The following CORIN variants were observed in gnomAD, a reference collection of about 807,000 sequenced individuals.
CORIN encodes atrial natriuretic peptide-converting enzyme.
Under a neutral mutation model 125.3 loss-of-function variants are expected in CORIN, and 117 were observed. That is an observed-to-expected ratio of 0.93 (90% CI 0.80 to 1.09). CORIN has a LOEUF of 1.09. Ranked by LOEUF, CORIN falls within the 50% of genes least tolerant of loss-of-function variation. CORIN has a pLI of 0.00. For missense variants in CORIN, 1,253 were observed against 1,306.7 expected, an observed-to-expected ratio of 0.96 and a Z score of 0.63; for synonymous variants, 450 against 466.4, an observed-to-expected ratio of 0.96 and a Z score of 0.45.
Position 47,653,597 on chromosome 4 carries a change from T to A in CORIN, c.1799A>T (p.Asp600Val), listed in dbSNP as rs1352209380. The A allele has an allele frequency of 6.2e-7, 1 of 1,614,022 alleles. No homozygotes were observed. The highest frequency in any genetic ancestry group is 1.3e-5 in the African/African-American group (1 of 74,944). ...GQCVLASRRC[D>V]GQADCDDDSD... ...GTCATCGTCACAGTCGGCCTGGCCA[T>A]CACATCTTCTGGAAGCCAGAACACA... Residue 600 changes from aspartate (D) to valine (V), a missense_variant, in exon 13 of 22, where the codon GAT becomes GTT. By Grantham distance (152) the Asp-to-Val change is radical. Transcript: ENST00000273857.
intron 5 of CORIN, among the ~76,000 whole-genome samples, chr4:47,698,285 CA>C (rs1726123910): frequency 6.6e-6 from 1 of 151,620 alleles, no homozygotes; most frequent in Non-Finnish European, 1.5e-5. Context: ...TTAATATTGG[CA>C]CCCAATATTA....
chr4:47,798,820 C>T (rs61756975), intron 2 of CORIN, among the ~76,000 whole-genome samples: 13,600 of 152,058 alleles, frequency 0.089, 761 homozygotes, highest in East Asian at 0.27. Flanking sequence ...TAGTAGCCAA[C>T]AGTTTTTCAA....
At chr4:47,654,234 A>C (rs1426036083) in intron 12 of CORIN, among the ~76,000 whole-genome samples, 1 of 152,194 alleles carries the variant, frequency 6.6e-6, no homozygotes, top group African/African-American at 2.4e-5. Context: ...CATTATTTTT[A>C]ATTTTAAAAT....
At position 47,786,705 on chromosome 4, in the gene CORIN, TG is replaced by T; in HGVS notation, c.409+19del. 6.3e-7 allele frequency: 1 copy of T among 1,598,180 alleles called. No homozygotes were observed. The highest frequency in any genetic ancestry group is 8.6e-7 in the Non-Finnish European group (1 of 1,165,524). ...TGTGGGACATTAAAAGCCTCTAGCA[TG>T]TATCACCTTTGGACTTACTTGTATT... On this transcript the variant is annotated intron_variant, in intron 3 of 21. Coordinates refer to ENST00000273857, the MANE Select transcript of CORIN (RefSeq NM_006587.4).
chr4:47,630,070 T>C (rs561905714), intron 16 of CORIN, among the ~76,000 whole-genome samples: 2 of 152,306 alleles, frequency 1.3e-5, no homozygotes, highest in East Asian at 3.9e-4. Flanking sequence ...TGGATGTTCA[T>C]ACATTTACTT....
intron 1 of CORIN, among the ~76,000 whole-genome samples, chr4:47,808,745 C>CA (rs1317054699): frequency 6.6e-6 from 1 of 152,006 alleles, no homozygotes; most frequent in Non-Finnish European, 1.5e-5. Context: ...CACTTACCTA[C>CA]AAAAAAATCA....
chr4:47,622,258 A>G (rs1171373059), intron 19 of CORIN, among the ~76,000 whole-genome samples: 2 of 151,828 alleles, frequency 1.3e-5, no homozygotes, highest in African/African-American at 4.8e-5. Context: ...ATTGTTGGAC[A>G]TTTGGGTTGG....
chr4:47,628,875 G>A (rs1722692412), intron 16 of CORIN, among the ~76,000 whole-genome samples: 2 of 151,998 alleles, frequency 1.3e-5, no homozygotes, highest in African/African-American at 4.8e-5. Flanking sequence ...AATTTCTATT[G>A]TATAAAGAAA....
At position 47,665,155 on chromosome 4, in the gene CORIN, C is replaced by T; in HGVS notation, c.1466G>A (p.Trp489Ter). 1 of 1,613,898 alleles carries T rather than the reference C, an allele frequency of 6.2e-7. No homozygotes were observed. The change falls in exon 11 of 22, where the codon TGG becomes TAG. Residue 489 changes from tryptophan to a stop codon, truncating the protein, a stop_gained. Coordinates refer to ENST00000273857, the MANE Select transcript of CORIN (RefSeq NM_006587.4). LOFTEE classifies it high-confidence loss of function. ...AAGTGCAGGGAAAAGAGAAGACTCCCAGCTGATGGATGCTTCCTTTTGAGT... is the reference window on the plus strand; with the variant it reads ...AAGTGCAGGGAAAAGAGAAGACTCCTAGCTGATGGATGCTTCCTTTTGAGT... ...HRTQKEASISWESSLFPALVQ... is the reference protein window; with the variant it reads ...HRTQKEASIS
In CORIN at chr4:47,692,951, T is replaced by G. The variant is rs1208539789; in HGVS notation, c.913+19A>C. On this transcript the variant is annotated intron_variant, in intron 6 of 21. Coordinates refer to ENST00000273857, the MANE Select transcript of CORIN (RefSeq NM_006587.4). ...AATCCCTGTCCACTCAGACAAACCCTAAACAGCTTGTCACATACTGCAATG... is the reference window on the plus strand; with the variant it reads ...AATCCCTGTCCACTCAGACAAACCCGAAACAGCTTGTCACATACTGCAATG... 1 of 1,582,488 alleles carries G rather than the reference T, an allele frequency of 6.3e-7. No individual in the cohort carries two copies. Among genetic ancestry groups the G allele is most frequent in the Admixed American group, 1.7e-5 (1 of 59,944 alleles).
At position 47,594,705 on chromosome 4, in the gene CORIN, G is replaced by A. The variant is rs776352583; in HGVS notation, c.*1016C>T. The stretch of plus-strand genomic sequence containing the variant: ...AAATAAATTTAATTAAACGAGGGAT[G>A]CAAATTAATTTTCTTTTTAAAAAAT... On this transcript the variant is annotated 3_prime_UTR_variant, in exon 22 of 22. Transcript: ENST00000273857. 6 of 152,048 alleles carry A rather than the reference G, an allele frequency of 3.9e-5. No homozygotes were observed. The highest frequency in any genetic ancestry group is 2.0e-4 in the Admixed American group (3 of 15,244). The allele number at this position is 152,048 out of a possible 1,614,324, so 9.4% of individuals were successfully genotyped here. A position where few individuals can be genotyped will look rare whatever the true frequency, so the allele number is the denominator to read the frequency against.
In CORIN at chr4:47,752,238, G is replaced by A. The variant is rs148640016; in HGVS notation, c.618-7655C>T. 4.6e-5 allele frequency among the ~76,000 whole-genome samples: 7 copies of A among 152,008 alleles called. No individual in the cohort carries two copies. In the East Asian group the frequency reaches 5.8e-4, roughly 13 times the overall value. ...ATTTTCATTGCACTTATCACTATCC[G>A]CTAAACGAGTATTTATTATCTGTCT... is the stretch of plus-strand genomic sequence containing the variant. On this transcript the variant is annotated intron_variant, in intron 4 of 21. Coordinates refer to ENST00000273857, the MANE Select transcript of CORIN (RefSeq NM_006587.4).
At chr4:47,689,259 A>G (rs917790182) in intron 6 of CORIN, among the ~76,000 whole-genome samples, 1 of 152,184 alleles carries the variant, frequency 6.6e-6, no homozygotes, top group East Asian at 1.9e-4. Flanking sequence ...ATTGGTCTAT[A>G]TGCTTTATAT....
At chr4:47,698,307 C>T (rs554426303) in intron 5 of CORIN, among the ~76,000 whole-genome samples, 9 of 151,556 alleles carry the variant, frequency 5.9e-5, no homozygotes, top group African/African-American at 2.2e-4. Flanking sequence ...ATTAGGGTGC[C>T]AGGGCAGGCC....
At chr4:47,709,922 T>G (rs1471247636) in intron 5 of CORIN, among the ~76,000 whole-genome samples, 3 of 152,248 alleles carry the variant, frequency 2.0e-5, no homozygotes, top group Non-Finnish European at 4.4e-5. Flanking sequence ...TGACAACATT[T>G]GGGATAAATT....
Position 47,683,766 on chromosome 4 carries a change from T to A in CORIN, c.986A>T (p.Asp329Val), listed in dbSNP as rs780546481. Residue 329 changes from aspartate to valine, a missense_variant, in exon 7 of 22, where the codon GAT becomes GTT. Coordinates refer to ENST00000273857, the MANE Select transcript of CORIN (RefSeq NM_006587.4). ...LNYSLVCDGY[D>V]DCGDLSDEQN... ...CTCATCACTCAAATCCCCACAGTCA[T>A]CATATCCATCACACACAAGGCTGTA... 3 of 1,613,794 alleles carry A rather than the reference T, an allele frequency of 1.9e-6. No homozygotes were observed. The South Asian group carries it at 3.3e-5, about 18-fold the overall frequency.
At chr4:47,735,796 T>G (rs970464720) in intron 5 of CORIN, among the ~76,000 whole-genome samples, 1 of 151,912 alleles carries the variant, frequency 6.6e-6, no homozygotes, top group African/African-American at 2.4e-5. Flanking sequence ...GGTGGGCACC[T>G]GTAGTCCCAG....
Position 47,660,741 on chromosome 4 carries a change from G to A in CORIN, c.1735+970C>T, listed in dbSNP as rs538543333. Among the ~76,000 whole-genome samples, 22 of 152,260 alleles carry A rather than the reference G, an allele frequency of 1.4e-4. 1 individual carries two copies. In the East Asian group the frequency reaches 4.1e-3, roughly 28 times the overall value. The stretch of plus-strand genomic sequence containing the variant: ...CCACTATTGGTGAGAATGCAAATTG[G>A]TACAACCACTAGGGAGAACAATTTA... On this transcript the variant is annotated intron_variant, in intron 12 of 21. Transcript: ENST00000273857.
At chr4:47,738,195 A>T (rs1437063457) in intron 5 of CORIN, among the ~76,000 whole-genome samples, 6 of 152,106 alleles carry the variant, frequency 3.9e-5, no homozygotes, top group African/African-American at 7.2e-5. Flanking sequence ...CCTAAGAAGG[A>T]CCCAGAAAGG....
Sources: allele counts gnomAD v4.1 joint callset (sites outside exome capture counted in the v4.1 genomes callset), GRCh38; gene constraint gnomAD v4.1.1; transcripts MANE v1.5; gene names NCBI Gene and HGNC (gene_info 2026-07-23, HGNC 2026-07-21).